IPMK: variants seen among roughly 807,000 people sequenced by gnomAD.
IPMK encodes inositol polyphosphate multikinase.
A neutral mutation model predicts 45.8 loss-of-function variants in IPMK; 17 were observed. That is an observed-to-expected ratio of 0.37 (90% CI 0.25 to 0.56). IPMK has a LOEUF of 0.56. Among genes scored for constraint, IPMK ranks in the 20% least tolerant of loss-of-function variants. The probability of loss-of-function intolerance (pLI) is 0.79; values close to 1 mark genes in which losing one functional copy is unlikely to be tolerated. For missense variants in IPMK, 399 were observed against 498.0 expected (o/e 0.80, Z 1.89); for synonymous variants, 180 against 184.3 (o/e 0.98, Z 0.19).
chr10:58,198,253 C>T (rs1168183519), intron 5 of IPMK, among the ~76,000 whole-genome samples: 1 of 152,026 alleles, frequency 6.6e-6, no homozygotes, highest in Non-Finnish European at 1.5e-5. Flanking sequence ...TAGCACTTTC[C>T]CACGTTAGGT....
intron 2 of IPMK, among the ~76,000 whole-genome samples, chr10:58,231,769 T>C (rs1241549936): frequency 2.0e-5 from 3 of 152,108 alleles, no homozygotes; most frequent in Non-Finnish European, 2.9e-5. Flanking sequence ...ACTGCATCAA[T>C]TAATGGGCAA....
intron 1 of IPMK, among the ~76,000 whole-genome samples, chr10:58,265,986 C>A (rs1032643109): frequency 1.3e-5 from 2 of 152,128 alleles, no homozygotes; most frequent in Admixed American, 6.6e-5. Context: ...AGTAAAATCA[C>A]AATGTATTAA....
chr10:58,263,860 G>A (rs1191329878), intron 1 of IPMK, among the ~76,000 whole-genome samples: 1 of 152,060 alleles, frequency 6.6e-6, no homozygotes, highest in African/African-American at 2.4e-5. Context: ...CCAAATTAAA[G>A]AACATTTCAT....
At chr10:58,247,697 C>G (rs534729380) in intron 1 of IPMK, among the ~76,000 whole-genome samples, 2 of 152,094 alleles carry the variant, frequency 1.3e-5, no homozygotes, top group Non-Finnish European at 2.9e-5. Flanking sequence ...GGAGATATAC[C>G]TAATGCTAGA....
At chr10:58,217,777 T>C (rs1838269516) in intron 3 of IPMK, among the ~76,000 whole-genome samples, 1 of 151,076 alleles carries the variant, frequency 6.6e-6, no homozygotes, top group Non-Finnish European at 1.5e-5. Context: ...AAGAAGTATT[T>C]CTCCTCAAAC....
chr10:58,193,098 T>C lies in IPMK; in HGVS notation c.*2978A>G, dbSNP rs1837840170. 1 of 151,986 alleles carries C rather than the reference T, an allele frequency of 6.6e-6. No homozygotes were observed. Among genetic ancestry groups the C allele is most frequent in the South Asian group, 2.1e-4 (1 of 4,834 alleles). The allele number at this position is 151,986 out of a possible 1,614,324, so 9.4% of individuals were successfully genotyped here. A position where few individuals can be genotyped will look rare whatever the true frequency, so the allele number is the denominator to read the frequency against. On this transcript the variant is annotated 3_prime_UTR_variant, in exon 6 of 6. Transcript: ENST00000373935. ...TTCTTTCATCCTACATCTTCTATAA[T>C]ATTCCAACCCCTAGAAACAAATGTA...
intron 1 of IPMK, among the ~76,000 whole-genome samples, chr10:58,257,501 A>C (rs903028531): frequency 2.7e-5 from 4 of 149,490 alleles, no homozygotes; most frequent in South Asian, 4.3e-4. Context: ...TCTCAAAAAC[A>C]AAAATAAATA....
chr10:58,226,408 A>G (rs956970148), intron 3 of IPMK, among the ~76,000 whole-genome samples: 1 of 152,236 alleles, frequency 6.6e-6, no homozygotes, highest in Admixed American at 6.5e-5. Flanking sequence ...ACAAGACCAT[A>G]GGTTATTTTT....
intron 1 of IPMK, among the ~76,000 whole-genome samples, chr10:58,253,391 T>C (rs1189942867): frequency 6.6e-6 from 1 of 152,140 alleles, no homozygotes; most frequent in East Asian, 1.9e-4. Flanking sequence ...CCCTCAACTT[T>C]TGTTTGTCTG....
rs59268285 is a variant in IPMK at position 58,191,953 on chromosome 10, TA to T, written c.*4122del. ...AAAACTATTTCACTTTACAAACTGT[TA>T]AATTATATTTAAGTGGACAGTAGGT... On this transcript the variant is annotated 3_prime_UTR_variant, in exon 6 of 6. Transcript: ENST00000373935. 2 of 152,098 alleles carry T rather than the reference TA, an allele frequency of 1.3e-5. No individual in the cohort carries two copies. The highest frequency in any genetic ancestry group is 4.8e-5 in the African/African-American group (2 of 41,464). 9.4% of individuals were successfully genotyped at this position (152,098 alleles called of 1,614,324 possible).
intron 1 of IPMK, among the ~76,000 whole-genome samples, chr10:58,246,187 A>G (rs1392210576): frequency 1.4e-5 from 2 of 145,080 alleles, no homozygotes; most frequent in Non-Finnish European, 3.0e-5. Flanking sequence ...CTGCATGCTC[A>G]TGGGTAGGAA....
chr10:58,257,086 C>T (rs1158890469), intron 1 of IPMK, among the ~76,000 whole-genome samples: 3 of 151,948 alleles, frequency 2.0e-5, no homozygotes, highest in Admixed American at 1.3e-4. Flanking sequence ...ATAAAACAAA[C>T]GAAAACAACA....
At chr10:58,229,883 G>T (rs1468922073) in intron 2 of IPMK, among the ~76,000 whole-genome samples, 1 of 152,264 alleles carries the variant, frequency 6.6e-6, no homozygotes, top group South Asian at 2.1e-4. Context: ...AGCACAAGGA[G>T]TTGGGGGATT....
At chr10:58,239,014 T>G (rs1264922542) in intron 1 of IPMK, among the ~76,000 whole-genome samples, 1 of 152,100 alleles carries the variant, frequency 6.6e-6, no homozygotes, top group Non-Finnish European at 1.5e-5. Flanking sequence ...CTGGGCATGG[T>G]GGCATGTGTC....
At chr10:58,206,091 T>C (rs1180860650) in intron 4 of IPMK, among the ~76,000 whole-genome samples, 4 of 152,152 alleles carry the variant, frequency 2.6e-5, no homozygotes, top group African/African-American at 9.7e-5. Context: ...ATGTGGTATA[T>C]CCATATAATC....
chr10:58,254,428 T>C (rs1838933213), intron 1 of IPMK, among the ~76,000 whole-genome samples: 1 of 152,184 alleles, frequency 6.6e-6, no homozygotes, highest in Non-Finnish European at 1.5e-5. Context: ...TTATTTCGTT[T>C]CTGGAGTGTT....
chr10:58,235,150 TAAA>T (rs1838590679), intron 2 of IPMK, among the ~76,000 whole-genome samples: 1 of 152,086 alleles, frequency 6.6e-6, no homozygotes, highest in Admixed American at 6.5e-5. Flanking sequence ...TGGCAATCAT[TAAA>T]AAGTCAGGAA....
chr10:58,244,248 G>T (rs7911485), intron 1 of IPMK, among the ~76,000 whole-genome samples: 129,643 of 131,692 alleles, frequency 0.98, 63,807 homozygotes, highest in East Asian at 0.99. Flanking sequence ...GGCTGCCCTT[G>T]GTCTGGGAGG....
At chr10:58,214,090 T>G (rs1049271161) in intron 4 of IPMK, among the ~76,000 whole-genome samples, 1 of 152,166 alleles carries the variant, frequency 6.6e-6, no homozygotes, top group Middle Eastern at 3.2e-3. Context: ...TGACAGTGAT[T>G]TGAAGATATT....
Sources: gnomAD v4.1 joint callset for allele counts (sites outside exome capture counted in the v4.1 genomes callset) on GRCh38, gnomAD v4.1.1 for gene constraint, MANE v1.5 for transcripts, NCBI Gene and HGNC (gene_info 2026-07-23, HGNC 2026-07-21) for gene names.